URB2: variants seen among roughly 807,000 people sequenced by gnomAD.
URB2 encodes unhealthy ribosome biogenesis protein 2 homolog.
In URB2, 86 loss-of-function variants were observed where a neutral mutation model predicts 120.9. The ratio of observed to expected loss-of-function variants is 0.71; its 90% CI spans 0.60 to 0.85. The LOEUF is 0.85. Ranked by LOEUF, URB2 falls within the 40% of genes least tolerant of loss-of-function variation. URB2 has a pLI of 0.00. For synonymous variants in URB2, 755 were observed against 758.4 expected, an observed-to-expected ratio of 1.00 and a Z score of 0.07; for missense variants, 1,765 against 1,836.5, an observed-to-expected ratio of 0.96 and a Z score of 0.71.
intron 6 of URB2, 73 bp from the exon 7 acceptor site, chr1:229,647,437 C>G: frequency 6.5e-7 from 1 of 1,536,086 alleles, no homozygotes; most frequent in South Asian, 1.2e-5. Context: ...CTCAGTCACT[C>G]AGAGCTGCAG....
In URB2 at chr1:229,637,283, G is replaced by T; in HGVS notation, c.2670G>T (p.Gln890His). The T allele has an allele frequency of 6.2e-7, 1 of 1,614,238 alleles. No homozygotes were observed. The highest frequency in any genetic ancestry group is 1.3e-5 in the African/African-American group (1 of 75,064). The part of the protein sequence containing the change: ...SDFPIQLEGE[Q>H]LESILGLLEV... ...TCCCTATCCAGCTGGAGGGAGAGCA[G>T]TTGGAAAGCATCCTGGGGCTTTTGG... Residue 890 changes from glutamine to histidine, a missense_variant, in exon 4 of 10, where the codon CAG becomes CAT. Physicochemically the swap from Gln to His is conservative, Grantham distance 24. Coordinates refer to ENST00000258243, the MANE Select transcript of URB2 (RefSeq NM_014777.4).
rs761904538 is a variant in URB2, at chr1:229,637,927, C to T, written c.3314C>T (p.Pro1105Leu). The T allele has an allele frequency of 1.8e-5, 29 of 1,612,188 alleles. No individual in the cohort carries two copies. The highest frequency in any genetic ancestry group is 1.1e-4 in the East Asian group (5 of 44,870). Residue 1105 changes from proline to leucine, a missense_variant, in exon 4 of 10, where the codon CCG becomes CTG. By Grantham distance (98) the Pro-to-Leu change is moderately conservative. Transcript: ENST00000258243. Reference protein sequence around the residue: ...TGAVLQLCSVPGARGWRLPSV... With the variant: ...TGAVLQLCSVLGARGWRLPSV... ...GCTGTGCTGCAGCTCTGCTCAGTGC[C>T]GGGGGCCCGGGGCTGGCGCCTTCCC...
intron 8 of URB2, among the ~76,000 whole-genome samples, chr1:229,653,440 G>T (rs1666329274): frequency 6.6e-6 from 1 of 152,126 alleles, no homozygotes; most frequent in South Asian, 2.1e-4. Context: ...TTTCTTTGCA[G>T]TTTTTTCTCC....
At chr1:229,642,494 T>C (rs969432489) in intron 4 of URB2, among the ~76,000 whole-genome samples, 2 of 152,098 alleles carry the variant, frequency 1.3e-5, no homozygotes, top group African/African-American at 2.4e-5. Context: ...ATTCTGGCAA[T>C]GTGGAATAGG....
At position 229,627,662 on chromosome 1, in the gene URB2, T is replaced by G. The variant is rs1042237468; in HGVS notation, c.29T>G (p.Leu10Arg). The change falls in exon 2 of 10, where the codon CTT (leucine) becomes CGT (arginine). Residue 10 changes from leucine (L) to arginine (R), a missense_variant. Leu to Arg is a moderately radical substitution (Grantham distance 102, BLOSUM62 -2). Transcript: ENST00000258243. MAAVYSGIS[L>R]KLKSKTTSWE... ...GCTGCTGTTTATTCTGGCATTTCCC[T>G]TAAGCTTAAAAGCAAGACAACTTCC... is the stretch of plus-strand genomic sequence containing the variant. The G allele has an allele frequency of 1.9e-6, 3 of 1,613,480 alleles. No homozygotes were observed. The highest frequency in any genetic ancestry group is 1.3e-5 in the African/African-American group (1 of 74,922).
In URB2 at chr1:229,645,977, C is replaced by A. The variant is rs1433473708; in HGVS notation, c.3906+8C>A. On this transcript the variant is annotated splice_region_variant and intron_variant, in intron 6 of 9. Coordinates refer to ENST00000258243, the MANE Select transcript of URB2 (RefSeq NM_014777.4). ...ATAGTCACAGCTTTAACAGTGAGTACCCTCTGGAGATGTGTCCTCTAGCTC... is the reference window on the plus strand; with the variant it reads ...ATAGTCACAGCTTTAACAGTGAGTAACCTCTGGAGATGTGTCCTCTAGCTC... 5.0e-6 allele frequency: 8 copies of A among 1,612,470 alleles called. No individual in the cohort carries two copies. The Admixed American group carries it at 6.7e-5, about 13-fold the overall frequency.
chr1:229,631,880 A>G (rs1293453068), intron 2 of URB2, among the ~76,000 whole-genome samples: 1 of 152,246 alleles, frequency 6.6e-6, no homozygotes, highest in Non-Finnish European at 1.5e-5. Context: ...CTGTTGGAAT[A>G]AAGGATCTGA....
Position 229,635,508 on chromosome 1 carries a change from G to C in URB2, c.895G>C (p.Val299Leu). 4.3e-6 allele frequency: 7 copies of C among 1,614,048 alleles called. No individual in the cohort carries two copies. Among genetic ancestry groups the C allele is most frequent in the Non-Finnish European group, 5.9e-6 (7 of 1,179,974 alleles). The stretch of plus-strand genomic sequence containing the variant: ...CTGTGCAGCATCCCTTCATACCTCT[G>C]TTGTGGCCAACTCAGTGGCCTTGCT... ...GYCAASLHTS[V>L]VANSVALLYK... Residue 299 changes from valine (V) to leucine (L), a missense_variant, in exon 4 of 10, where the codon GTT becomes CTT. By Grantham distance (32) the Val-to-Leu change is conservative. Transcript: ENST00000258243.
rs762225889 is a variant in URB2 at position 229,635,744 on chromosome 1, C to T, written c.1131C>T (p.Ala377=). 7.3e-5 allele frequency: 118 copies of T among 1,614,040 alleles called. No homozygotes were observed. The highest frequency in any genetic ancestry group is 5.5e-5 in the South Asian group (5 of 91,086). The change falls in exon 4 of 10, where the codon GCC becomes GCT. Residue 377 remains alanine, a synonymous_variant. Coordinates refer to ENST00000258243, the MANE Select transcript of URB2 (RefSeq NM_014777.4). The part of the protein sequence containing the change: ...VANNNIYNIA[A]DRIRHEEAQF... Reference sequence around the variant, plus strand: ...ACAACAATATCTACAACATCGCTGCCGACAGAATTCGGCACGAAGAGGCTC... The same window carrying T: ...ACAACAATATCTACAACATCGCTGCTGACAGAATTCGGCACGAAGAGGCTC...
chr1:229,652,455 T>C (rs1318010379), intron 8 of URB2, among the ~76,000 whole-genome samples: 1 of 152,206 alleles, frequency 6.6e-6, no homozygotes, highest in African/African-American at 2.4e-5. Flanking sequence ...GCAATAGGCT[T>C]TTAACCAGAC....
chr1:229,629,741 T>G (rs1012462630), intron 2 of URB2, among the ~76,000 whole-genome samples: 12 of 152,222 alleles, frequency 7.9e-5, no homozygotes, highest in African/African-American at 2.9e-4. Context: ...CAGTGAAGTT[T>G]GCTGCATTGA....
rs1665768675 is a variant in URB2 at position 229,635,277 on chromosome 1, C to T, written c.664C>T (p.Gln222Ter). ...TGGGGGCACATGGACGCAGGCTGGC[C>T]AGGGCCAGCTGAGGCAGGTGCTGAG... Reference protein sequence around the residue: ...LSGGTWTQAGQGQLRQVLSRD... With the variant: ...LSGGTWTQAG Residue 222 changes from glutamine (Q) to a stop codon, truncating the protein, a stop_gained, in exon 4 of 10, where the codon CAG (glutamine) becomes TAG (stop). Coordinates refer to ENST00000258243, the MANE Select transcript of URB2 (RefSeq NM_014777.4). LOFTEE classifies it high-confidence loss of function. 1 of 1,614,082 alleles carries T rather than the reference C, an allele frequency of 6.2e-7. No individual in the cohort carries two copies. The highest frequency in any genetic ancestry group is 1.3e-5 in the African/African-American group (1 of 74,950).
chr1:229,646,009 T>C (rs1558169398), intron 6 of URB2, 40 bp downstream of exon 6: 1 of 1,577,290 alleles, frequency 6.3e-7, no homozygotes, highest in Non-Finnish European at 8.7e-7. Context: ...GCTCCTCCCC[T>C]CCCTCTTCCT....
chr1:229,628,270 A>ATTATACATATACAT (rs1192348490), intron 2 of URB2, among the ~76,000 whole-genome samples: 40 of 66,636 alleles, frequency 6.0e-4, no homozygotes, highest in Non-Finnish European at 6.9e-4. Context: ...TATGTATATA[A>ATTATACATATACAT]ATTAGTCAGA....
intron 2 of URB2, 111 bp downstream of exon 2, chr1:229,627,870 A>G: frequency 1.5e-6 from 2 of 1,335,628 alleles, no homozygotes; most frequent in Non-Finnish European, 2.0e-6. Flanking sequence ...AAAGTTGGGG[A>G]GGGAACTTTG....
chr1:229,628,791 TCATGAAATTGGATTAATACA>T (rs1558160603), intron 2 of URB2, among the ~76,000 whole-genome samples: 1 of 152,232 alleles, frequency 6.6e-6, no homozygotes, highest in Non-Finnish European at 1.5e-5. Context: ...GATGACAAGC[TCATGAAATTGGATTAATACA>T]CATCCAGTTG....
Position 229,627,696 on chromosome 1 carries a change from T to G in URB2, c.63T>G (p.Asp21Glu). The G allele has an allele frequency of 1.2e-6, 2 of 1,613,598 alleles. No individual in the cohort carries two copies. The highest frequency in any genetic ancestry group is 1.7e-6 in the Non-Finnish European group (2 of 1,179,712). Residue 21 changes from aspartate to glutamate, a missense_variant, in exon 2 of 10, where the codon GAT (aspartate) becomes GAG (glutamate). By Grantham distance (45) the Asp-to-Glu change is conservative. Transcript: ENST00000258243. ...KLKSKTTSWE[D>E]KLKLAHFAWI... ...AAAGCAAGACAACTTCCTGGGAAGA[T>G]AAACTAAAACTAGCTCACTTTGCTT...
intron 7 of URB2, among the ~76,000 whole-genome samples, chr1:229,649,934 T>C (rs1666228353): frequency 6.6e-6 from 1 of 152,172 alleles, no homozygotes; most frequent in Non-Finnish European, 1.5e-5. Flanking sequence ...CAAAAGGATT[T>C]GTGTGCTTTT....
chr1:229,628,273 T>TATACATATATATATTATATATGA (rs1665582096), intron 2 of URB2, among the ~76,000 whole-genome samples: 1 of 147,558 alleles, frequency 6.8e-6, no homozygotes, highest in South Asian at 2.1e-4. Flanking sequence ...GTATATAAAT[T>TATACATATATATATTATATATGA]AGTCAGACAT....
Sources: allele counts gnomAD v4.1 joint callset (sites outside exome capture counted in the v4.1 genomes callset), GRCh38; gene constraint gnomAD v4.1.1; transcripts MANE v1.5; gene names NCBI Gene and HGNC (gene_info 2026-07-23, HGNC 2026-07-21).